Variants in PIGH observed in about 807,000 individuals in gnomAD.
PIGH encodes phosphatidylinositol glycan anchor biosynthesis class H.
PIGH carries 11 observed loss-of-function variants against 20.1 expected under a neutral mutation model. The ratio of observed to expected loss-of-function variants is 0.55; its 90% CI spans 0.34 to 0.91. The LOEUF (loss-of-function observed/expected upper bound fraction) is 0.91, where lower values mean the gene tolerates loss of function less well. PIGH is among the 40% of genes least tolerant of loss of function. The probability of loss-of-function intolerance (pLI) is 0.02; values close to 1 mark genes in which losing one functional copy is unlikely to be tolerated. For synonymous variants in PIGH, 72 were observed against 93.1 expected (o/e 0.77, Z 1.31); for missense variants, 189 against 233.6 (o/e 0.81, Z 1.24).
At position 67,598,042 on chromosome 14, in the gene PIGH, C is replaced by T. The variant is rs78666557; in HGVS notation, c.180+1982G>A. On this transcript the variant is annotated intron_variant, in intron 1 of 3. Coordinates refer to ENST00000216452, the MANE Select transcript of PIGH (RefSeq NM_004569.5). ...AAAGCAATCCGTGCCCTACTATCTG[C>T]ATTTTTTTCAACTTCATTTTTCTGT... Among the ~76,000 whole-genome samples, 642 of 152,294 alleles carry T rather than the reference C, an allele frequency of 4.2e-3. 42 individuals carry two copies. The East Asian group carries it at 0.11, about 27-fold the overall frequency.
intron 1 of PIGH, among the ~76,000 whole-genome samples, chr14:67,595,086 G>A (rs1376218456): frequency 1.3e-5 from 2 of 152,036 alleles, no homozygotes; most frequent in Non-Finnish European, 2.9e-5. Context: ...GCAGTGAGCC[G>A]AGATCGCGCC....
At position 67,593,969 on chromosome 14, in the gene PIGH, A is replaced by G; in HGVS notation, c.181-17T>C. 6.4e-7 allele frequency: 1 copy of G among 1,563,960 alleles called. No homozygotes were observed. Among genetic ancestry groups the G allele is most frequent in the South Asian group, 1.1e-5 (1 of 88,670 alleles). ...CATGCTGTTCTGAAGAGAGAGCCAG[A>G]CACAGACAGTAAGATTACCAAGTGG... On this transcript the variant is annotated splice_polypyrimidine_tract_variant and intron_variant, in intron 1 of 3. Coordinates refer to ENST00000216452, the MANE Select transcript of PIGH (RefSeq NM_004569.5).
chr14:67,592,814 C>G lies in PIGH; in HGVS notation c.391-96G>C, dbSNP rs566648450. ...TATTTATTTATTTTTGAGACAGAGT[C>G]TCTCTCTGTTGCCCAAGCTGCAGTG... is the stretch of plus-strand genomic sequence containing the variant. On this transcript the variant is annotated intron_variant, in intron 2 of 3. Coordinates refer to ENST00000216452, the MANE Select transcript of PIGH (RefSeq NM_004569.5). 2.1e-5 allele frequency: 17 copies of G among 807,270 alleles called. No homozygotes were observed. The African/African-American group carries it at 2.7e-4, about 13-fold the overall frequency. The allele number at this position is 807,270 out of a possible 1,614,324, so 50.0% of individuals were successfully genotyped here. A position where few individuals can be genotyped will look rare whatever the true frequency, so the allele number is the denominator to read the frequency against.
At position 67,593,826 on chromosome 14, in the gene PIGH, A is replaced by G. The variant is rs776038451; in HGVS notation, c.307T>C (p.Ser103Pro). The G allele has an allele frequency of 3.4e-5, 55 of 1,613,474 alleles. No homozygotes were observed. The highest frequency in any genetic ancestry group is 4.5e-5 in the Non-Finnish European group (53 of 1,179,502). The part of the protein sequence containing the change: ...IDSLGIQMTS[S>P]YASGKESTTF... ...GTGCTTTCTTTGCCTGAAGCATAAG[A>G]TGAAGTCATCTGAATGCCAAGGGAA... The change falls in exon 2 of 4, where the codon TCT becomes CCT. Residue 103 changes from serine (S) to proline (P), a missense_variant. Coordinates refer to ENST00000216452, the MANE Select transcript of PIGH (RefSeq NM_004569.5).
At chr14:67,598,250 G>A (rs892394836) in intron 1 of PIGH, among the ~76,000 whole-genome samples, 2 of 152,178 alleles carry the variant, frequency 1.3e-5, no homozygotes, top group Non-Finnish European at 2.9e-5. Flanking sequence ...GAGTTTAAAG[G>A]AAGATGCGGT....
intron 1 of PIGH, among the ~76,000 whole-genome samples, chr14:67,597,828 G>C (rs888542608): frequency 3.9e-5 from 6 of 152,010 alleles, no homozygotes; most frequent in Non-Finnish European, 8.8e-5. Flanking sequence ...GATTTAATTG[G>C]TGTAGGGGAA....
chr14:67,590,346 A>G (rs1163582721), intron 3 of PIGH, among the ~76,000 whole-genome samples, 174 bp from the exon 4 acceptor site: 1 of 144,208 alleles, frequency 6.9e-6, no homozygotes, highest in Admixed American at 7.3e-5. Flanking sequence ...TCCGCCTCCC[A>G]GGTTCAAGTG....
chr14:67,597,056 C>A (rs1847676099), intron 1 of PIGH, among the ~76,000 whole-genome samples: 1 of 152,204 alleles, frequency 6.6e-6, no homozygotes, highest in Non-Finnish European at 1.5e-5. Flanking sequence ...GGCCTGTGGT[C>A]TGGTTTTGTC....
rs1445021639 is a variant in PIGH, at chr14:67,593,726, A to G, written c.390+17T>C. 5 of 1,534,152 alleles carry G rather than the reference A, an allele frequency of 3.3e-6. No homozygotes were observed. The highest frequency in any genetic ancestry group is 2.7e-6 in the Non-Finnish European group (3 of 1,107,648). ...TCCTCCAGAGAGGCCTGTAATACTT[A>G]CCTTTTAAATACTTACCATGTAAAT... On this transcript the variant is annotated intron_variant, in intron 2 of 3. Coordinates refer to ENST00000216452, the MANE Select transcript of PIGH (RefSeq NM_004569.5).
Position 67,590,168 on chromosome 14 carries a change from G to T in PIGH, c.479C>A (p.Ala160Asp). Residue 160 changes from alanine (A) to aspartate (D), a missense_variant, in exon 4 of 4, where the codon GCC becomes GAC. By Grantham distance (126) the Ala-to-Asp change is moderately radical (BLOSUM62 -2). Transcript: ENST00000216452. ...ISQVVPVFQS[A>D]KPRLDCLIEV... ...AATCAAGCAGTCCAGCCGGGGCTTG[G>T]CACTCTGAATTCCAAAGGGGAGAAA... is the stretch of plus-strand genomic sequence containing the variant. The T allele has an allele frequency of 5.8e-6, 9 of 1,549,904 alleles. No individual in the cohort carries two copies. The highest frequency in any genetic ancestry group is 7.9e-6 in the Non-Finnish European group (9 of 1,146,372).
In PIGH at chr14:67,600,152, G is replaced by A. The variant is rs772178028; in HGVS notation, c.52C>T (p.Gln18Ter). ...SDICGGRLAL[Q>*]RRYYSPSCRE... ...CAGGACGGGGAGTAGTAGCGGCGCT[G>A]CAGCGCCAGGCGGCCGCCGCAGATA... is the stretch of plus-strand genomic sequence containing the variant. Residue 18 changes from glutamine to a stop codon, truncating the protein, a stop_gained, in exon 1 of 4, where the codon CAG (glutamine) becomes TAG (stop). Coordinates refer to ENST00000216452, the MANE Select transcript of PIGH (RefSeq NM_004569.5). LOFTEE classifies it high-confidence loss of function. 25 of 1,591,186 alleles carry A rather than the reference G, an allele frequency of 1.6e-5. No homozygotes were observed. The highest frequency in any genetic ancestry group is 2.0e-5 in the Non-Finnish European group (23 of 1,169,868).
At chr14:67,590,612 G>C (rs2036341885) in intron 3 of PIGH, among the ~76,000 whole-genome samples, 1 of 152,168 alleles carries the variant, frequency 6.6e-6, no homozygotes, top group Non-Finnish European at 1.5e-5. Flanking sequence ...GCCCACCTCG[G>C]CTTCCCAAAG....
chr14:67,589,447 G>A lies in PIGH; in HGVS notation c.*633C>T. Reference sequence around the variant, plus strand: ...GAACTGATATAAAAAAAAATGCTGAGTAACAGAAAAGTATTAATGTGCTTG... The same window carrying A: ...GAACTGATATAAAAAAAAATGCTGAATAACAGAAAAGTATTAATGTGCTTG... On this transcript the variant is annotated 3_prime_UTR_variant, in exon 4 of 4. Transcript: ENST00000216452. 1 of 985,280 alleles carries A rather than the reference G, an allele frequency of 1.0e-6. No homozygotes were observed. Among genetic ancestry groups the A allele is most frequent in the Non-Finnish European group, 1.2e-6 (1 of 829,832 alleles). The allele number at this position is 985,280 out of a possible 1,614,324, so 61.0% of individuals were successfully genotyped here. A position where few individuals can be genotyped will look rare whatever the true frequency, so the allele number is the denominator to read the frequency against.
In PIGH at chr14:67,590,249, ATTTTTTTTTTTTT is replaced by A. The variant is rs34186099; in HGVS notation, c.475-90_475-78del. 6.8e-6 allele frequency: 5 copies of A among 733,424 alleles called. No individual in the cohort carries two copies. The East Asian group carries it at 1.5e-4, about 22-fold the overall frequency. The allele number at this position is 733,424 out of a possible 1,614,324, so 45.4% of individuals were successfully genotyped here. A position where few individuals can be genotyped will look rare whatever the true frequency, so the allele number is the denominator to read the frequency against. On this transcript the variant is annotated intron_variant, in intron 3 of 3. Coordinates refer to ENST00000216452, the MANE Select transcript of PIGH (RefSeq NM_004569.5). ...GCAGTGGTGCTGCATCCACTTGCAAATTTTTTTTTTTTTTTTTTTTTGAGACAGAGTTTTGCTC... is the reference window on the plus strand; with the variant it reads ...GCAGTGGTGCTGCATCCACTTGCAAATTTTTTTTGAGACAGAGTTTTGCTC...
At position 67,589,831 on chromosome 14, in the gene PIGH, G is replaced by A; in HGVS notation, c.*249C>T. On this transcript the variant is annotated 3_prime_UTR_variant, in exon 4 of 4. Transcript: ENST00000216452. Reference sequence around the variant, plus strand: ...TTGCTGACATTACTTTTGACATACTGTGTCAAAATTCTTAAGGTCTCCCCT... The same window carrying A: ...TTGCTGACATTACTTTTGACATACTATGTCAAAATTCTTAAGGTCTCCCCT... 4 of 1,185,466 alleles carry A rather than the reference G, an allele frequency of 3.4e-6. No homozygotes were observed. The highest frequency in any genetic ancestry group is 3.1e-6 in the Non-Finnish European group (3 of 958,968). 73.4% of individuals were successfully genotyped at this position (1,185,466 alleles called of 1,614,324 possible). A position where few individuals can be genotyped will look rare whatever the true frequency, so the allele number is the denominator to read the frequency against.
In PIGH at chr14:67,594,010, G is replaced by A. The variant is rs1196431315; in HGVS notation, c.181-58C>T. 3.6e-6 allele frequency: 4 copies of A among 1,109,072 alleles called. No individual in the cohort carries two copies. In the South Asian group the frequency reaches 5.2e-5, roughly 15 times the overall value. 68.7% of individuals were successfully genotyped at this position (1,109,072 alleles called of 1,614,324 possible). A position where few individuals can be genotyped will look rare whatever the true frequency, so the allele number is the denominator to read the frequency against. ...TACCAAGTGGTACCAGTCAACTCCAGGCAATGAGGGGAACATGCATGGAGG... is the reference window on the plus strand; with the variant it reads ...TACCAAGTGGTACCAGTCAACTCCAAGCAATGAGGGGAACATGCATGGAGG... On this transcript the variant is annotated intron_variant, in intron 1 of 3. Coordinates refer to ENST00000216452, the MANE Select transcript of PIGH (RefSeq NM_004569.5).
intron 1 of PIGH, among the ~76,000 whole-genome samples, chr14:67,597,818 G>A (rs1266914964): frequency 1.3e-5 from 2 of 151,680 alleles, no homozygotes; most frequent in Non-Finnish European, 2.9e-5. Context: ...AAGGAAACAG[G>A]ATTTAATTGG....
At chr14:67,596,358 C>G (rs933099843) in intron 1 of PIGH, among the ~76,000 whole-genome samples, 3 of 124,390 alleles carry the variant, frequency 2.4e-5, no homozygotes, top group African/African-American at 9.2e-5. Context: ...CCTGGCTGGT[C>G]TCGAACTCCT....
At chr14:67,590,310 T>C in intron 3 of PIGH, 138 bp from the exon 4 acceptor site, 1 of 595,442 alleles carries the variant, frequency 1.7e-6, no homozygotes, top group Non-Finnish European at 2.7e-6. Flanking sequence ...TGGAGTGCAG[T>C]GGCGCAATCT....
Sources: gnomAD v4.1 joint callset for allele counts (sites outside exome capture counted in the v4.1 genomes callset) on GRCh38, gnomAD v4.1.1 for gene constraint, MANE v1.5 for transcripts, NCBI Gene and HGNC (gene_info 2026-07-23, HGNC 2026-07-21) for gene names.